Variants in AGXT2 observed in about 807,000 individuals in gnomAD.
AGXT2 encodes alanine--glyoxylate aminotransferase 2, mitochondrial.
AGXT2 carries 61 observed loss-of-function variants against 62.5 expected under a neutral mutation model. The observed-to-expected ratio is 0.98, with a 90% confidence interval of 0.79 to 1.21. The LOEUF is 1.21. Among genes scored for constraint, AGXT2 ranks in the 50% most tolerant of loss-of-function variants. The probability of loss-of-function intolerance (pLI) is 0.00; values close to 1 mark genes in which losing one functional copy is unlikely to be tolerated. For synonymous variants in AGXT2, 243 were observed against 218.7 expected, an observed-to-expected ratio of 1.11 and a Z score of -0.98; for missense variants, 666 against 641.5, an observed-to-expected ratio of 1.04 and a Z score of -0.41.
Position 35,025,683 on chromosome 5 carries a change from C to A in AGXT2, c.963+80G>T. On this transcript the variant is annotated intron_variant, in intron 9 of 13. Transcript: ENST00000231420. Reference sequence around the variant, plus strand: ...CAGAGCAGAGGCTTTCTGCCTGGAACACAGAGGAAGTTTAGGAGGTTTCTG... The same window carrying A: ...CAGAGCAGAGGCTTTCTGCCTGGAAAACAGAGGAAGTTTAGGAGGTTTCTG... 2.8e-6 allele frequency: 4 copies of A among 1,446,758 alleles called. No individual in the cohort carries two copies. The South Asian group carries it at 4.6e-5, about 17-fold the overall frequency. 89.6% of individuals were successfully genotyped at this position (1,446,758 alleles called of 1,614,324 possible). A position where few individuals can be genotyped will look rare whatever the true frequency, so the allele number is the denominator to read the frequency against.
At chr5:35,003,129 C>A (rs949896078) in intron 13 of AGXT2, among the ~76,000 whole-genome samples, 2 of 152,162 alleles carry the variant, frequency 1.3e-5, no homozygotes, top group African/African-American at 4.8e-5. Flanking sequence ...GACTGTGGAG[C>A]TGGGCATGGC....
chr5:35,037,295 A>T (rs905006642), intron 3 of AGXT2, among the ~76,000 whole-genome samples: 2 of 152,236 alleles, frequency 1.3e-5, no homozygotes, highest in Non-Finnish European at 2.9e-5. Context: ...AAGGAGACTC[A>T]TTGATTACAA....
At chr5:34,999,919 C>T (rs1038872979) in intron 13 of AGXT2, among the ~76,000 whole-genome samples, 10 of 152,210 alleles carry the variant, frequency 6.6e-5, no homozygotes, top group African/African-American at 2.4e-4. Context: ...TCAACTTCCC[C>T]TTAGCCTATA....
intron 12 of AGXT2, among the ~76,000 whole-genome samples, chr5:35,007,228 C>T (rs1032737011): frequency 2.6e-5 from 4 of 152,204 alleles, no homozygotes; most frequent in Admixed American, 6.5e-5. Flanking sequence ...AGTGGGCCCT[C>T]GTCAGACACC....
At chr5:35,003,489 C>G (rs1156343994) in intron 13 of AGXT2, among the ~76,000 whole-genome samples, 1 of 152,092 alleles carries the variant, frequency 6.6e-6, no homozygotes, top group African/African-American at 2.4e-5. Context: ...CATCCTCTGT[C>G]TGCCTCTATC....
In AGXT2 at chr5:35,036,940, A is replaced by G; in HGVS notation, c.486+2T>C. On this transcript the variant is annotated splice_donor_variant, in intron 4 of 13. Transcript: ENST00000231420. LOFTEE classifies it high-confidence loss of function. ...TCACCTCCTGCAGGAAGAGCATTGTACCTTAAGAGGCTCAGGAAGAAGTGC... is the reference window on the plus strand; with the variant it reads ...TCACCTCCTGCAGGAAGAGCATTGTGCCTTAAGAGGCTCAGGAAGAAGTGC... The G allele has an allele frequency of 6.2e-7, 1 of 1,613,850 alleles. No homozygotes were observed.
intron 7 of AGXT2, among the ~76,000 whole-genome samples, chr5:35,027,916 T>G (rs1285779991): frequency 6.6e-6 from 1 of 150,894 alleles, no homozygotes; most frequent in African/African-American, 2.4e-5. Flanking sequence ...CCAGAATCCT[T>G]GCAGGCCCTT....
chr5:35,004,009 C>G, intron 12 of AGXT2, 148 bp from the exon 13 acceptor site: 1 of 687,398 alleles, frequency 1.5e-6, no homozygotes, highest in Non-Finnish European at 2.5e-6. Context: ...TCTCCTTCCC[C>G]TGTAATTAAA....
At chr5:35,019,993 A>G (rs368422260) in intron 9 of AGXT2, among the ~76,000 whole-genome samples, 1 of 152,076 alleles carries the variant, frequency 6.6e-6, no homozygotes, top group East Asian at 1.9e-4. Context: ...TAAATTCCTC[A>G]ACACATACAC....
In AGXT2 at chr5:35,036,005, A is replaced by G. The variant is rs539077072; in HGVS notation, c.487-689T>C. Among the ~76,000 whole-genome samples the G allele has an allele frequency of 2.0e-5, 3 of 152,152 alleles. No homozygotes were observed. In the South Asian group the frequency reaches 6.2e-4, roughly 32 times the overall value. On this transcript the variant is annotated intron_variant, in intron 4 of 13. Coordinates refer to ENST00000231420, the MANE Select transcript of AGXT2 (RefSeq NM_031900.4). The stretch of plus-strand genomic sequence containing the variant: ...GGCAGGAGAATCACTTGAACCCAGG[A>G]GGCAGAGATTGCAGTGAGCCGAGAT...
chr5:35,033,923 T>G (rs1320993717), intron 5 of AGXT2, among the ~76,000 whole-genome samples: 1 of 152,136 alleles, frequency 6.6e-6, no homozygotes, highest in Non-Finnish European at 1.5e-5. Context: ...GCCAAATATT[T>G]TTTCCTATGA....
intron 9 of AGXT2, among the ~76,000 whole-genome samples, chr5:35,022,736 A>G (rs1206032678): frequency 8.6e-6 from 1 of 116,462 alleles, no homozygotes; most frequent in Non-Finnish European, 1.7e-5. Context: ...TAATAAATAA[A>G]AAGAGAGAAG....
chr5:35,035,367 C>T (rs771376285), intron 4 of AGXT2, 51 bp from the exon 5 acceptor site: 53 of 1,517,848 alleles, frequency 3.5e-5, no homozygotes, highest in Admixed American at 1.5e-4. Flanking sequence ...CCTTATTACC[C>T]ATTCACTTAA....
intron 1 of AGXT2, among the ~76,000 whole-genome samples, chr5:35,044,384 A>T (rs1768105457): frequency 6.6e-6 from 1 of 151,976 alleles, no homozygotes; most frequent in South Asian, 2.1e-4. Flanking sequence ...GCTGCTGAGG[A>T]CCCTCACCAT....
chr5:35,042,316 G>A (rs780190065), intron 1 of AGXT2, among the ~76,000 whole-genome samples: 8 of 151,982 alleles, frequency 5.3e-5, no homozygotes, highest in Admixed American at 2.0e-4. Context: ...AATGAAATAC[G>A]TGAAATTCTG....
At chr5:35,032,874 C>T (rs1767622210) in intron 6 of AGXT2, 49 bp from the exon 7 acceptor site, 6 of 1,496,688 alleles carry the variant, frequency 4.0e-6, no homozygotes, top group Admixed American at 3.8e-5. Flanking sequence ...CACAAGACAG[C>T]CAAGTTAGGG....
chr5:35,030,974 G>A (rs566083260), intron 7 of AGXT2, among the ~76,000 whole-genome samples: 1 of 152,348 alleles, frequency 6.6e-6, no homozygotes, highest in African/African-American at 2.4e-5. Context: ...AGATATTGCT[G>A]TCTCTGTTTT....
chr5:35,047,168 A>G (rs1768253078), intron 1 of AGXT2, among the ~76,000 whole-genome samples: 1 of 152,224 alleles, frequency 6.6e-6, no homozygotes, highest in Non-Finnish European at 1.5e-5. Context: ...GCCTGGTGCA[A>G]TGGCTTAGGC....
intron 9 of AGXT2, 140 bp downstream of exon 9, chr5:35,025,623 A>C: frequency 1.2e-6 from 1 of 833,846 alleles, no homozygotes. Flanking sequence ...CACTAGCACA[A>C]ATTTCATTCA....
Sources: gnomAD v4.1 joint callset for allele counts (sites outside exome capture counted in the v4.1 genomes callset) on GRCh38, gnomAD v4.1.1 for gene constraint, MANE v1.5 for transcripts, NCBI Gene and HGNC (gene_info 2026-07-23, HGNC 2026-07-21) for gene names.